Variants in NSD2 observed in about 807,000 individuals in gnomAD.
NSD2 encodes the protein histone-lysine N-methyltransferase NSD2.
A neutral mutation model predicts 139.0 loss-of-function variants in NSD2; 12 were observed. That is an observed-to-expected ratio of 0.09 (90% confidence interval 0.06 to 0.14). The LOEUF is 0.14. Ranked by LOEUF, NSD2 falls within the 10% of genes least tolerant of loss-of-function variation. NSD2 has a pLI of 1.00. For missense variants in NSD2, 1,155 were observed against 1,745.0 expected, an observed-to-expected ratio of 0.66 and a Z score of 6.02; for synonymous variants, 669 against 648.7, an observed-to-expected ratio of 1.03 and a Z score of -0.48.
At chr4:1,966,660 A>G (rs1279746522) in intron 18 of NSD2, among the ~76,000 whole-genome samples, 1 of 151,442 alleles carries the variant, frequency 6.6e-6, no homozygotes, top group East Asian at 1.9e-4. Flanking sequence ...CTGTCTCAAA[A>G]AAAAAAAAAA....
chr4:1,940,751 G>C, intron 9 of NSD2: 1 of 1,060,444 alleles, frequency 9.4e-7, no homozygotes, highest in Middle Eastern at 4.2e-4. Flanking sequence ...CTTCTGGCCA[G>C]GTCTCTGCCA....
intron 5 of NSD2, among the ~76,000 whole-genome samples, chr4:1,920,341 T>A (rs1274354077): frequency 6.6e-6 from 1 of 152,026 alleles, no homozygotes; most frequent in Non-Finnish European, 1.5e-5. Context: ...TCCCAGCTAC[T>A]CAGGAGGCTG....
At chr4:1,970,356 GC>G (rs1451805104) in intron 18 of NSD2, among the ~76,000 whole-genome samples, 1 of 152,196 alleles carries the variant, frequency 6.6e-6, no homozygotes, top group Non-Finnish European at 1.5e-5. Context: ...CAGGCATGTG[GC>G]TCTCTGGGTG....
At chr4:1,952,825 A>T (rs920391841) in intron 11 of NSD2, 1 of 1,207,520 alleles carries the variant, frequency 8.3e-7, no homozygotes, top group African/African-American at 1.5e-5. Flanking sequence ...CTTCCTGCCT[A>T]CTCACCGGGC....
In NSD2 at chr4:1,976,295, T is replaced by C; in HGVS notation, c.3622-180T>C. 1 of 658,770 alleles carries C rather than the reference T, an allele frequency of 1.5e-6. No individual in the cohort carries two copies. The highest frequency in any genetic ancestry group is 2.6e-6 in the Non-Finnish European group (1 of 383,500). The allele number at this position is 658,770 out of a possible 1,614,324, so 40.8% of individuals were successfully genotyped here. A position where few individuals can be genotyped will look rare whatever the true frequency, so the allele number is the denominator to read the frequency against. On this transcript the variant is annotated intron_variant, in intron 20 of 21. Transcript: ENST00000508803. The surrounding 1 kb of genome is among the most constrained non-coding windows in gnomAD (Gnocchi z 5.3). ...TAGTCTTTGTTCAGCTTTTTCACGC[T>C]GAGTCGAGTGAGTCTAAGGATGTCT...
intron 1 of NSD2, among the ~76,000 whole-genome samples, chr4:1,884,686 C>T (rs970207999): frequency 2.6e-5 from 4 of 152,094 alleles, no homozygotes; most frequent in Non-Finnish European, 4.4e-5. Flanking sequence ...GCCACTGGGC[C>T]CAGCCTCGTT....
chr4:1,936,951 T>C (rs1722474355), intron 7 of NSD2, among the ~76,000 whole-genome samples: 1 of 152,224 alleles, frequency 6.6e-6, no homozygotes, highest in South Asian at 2.1e-4. Context: ...GTGAGGTTGT[T>C]GAGTGATCAA....
chr4:1,926,606 G>A (rs984929101), intron 5 of NSD2, among the ~76,000 whole-genome samples: 3 of 151,768 alleles, frequency 2.0e-5, no homozygotes, highest in Non-Finnish European at 4.4e-5. Context: ...TAGTAGCTGG[G>A]ACTACTGGTG....
chr4:1,887,239 G>T (rs1715181808), intron 1 of NSD2, among the ~76,000 whole-genome samples: 1 of 152,182 alleles, frequency 6.6e-6, no homozygotes. Flanking sequence ...TTGCAGCGTG[G>T]TGGCTGGTTC....
chr4:1,906,082 T>C (rs1267339553), intron 3 of NSD2, among the ~76,000 whole-genome samples: 1 of 152,190 alleles, frequency 6.6e-6, no homozygotes, highest in Non-Finnish European at 1.5e-5. Flanking sequence ...GTCATTTGTT[T>C]GTGTGGCACA....
chr4:1,945,056 G>T, intron 9 of NSD2: 1 of 1,066,268 alleles, frequency 9.4e-7, no homozygotes, highest in Non-Finnish European at 1.1e-6. Context: ...AGGAGTCGGG[G>T]GCTCCTCTGT....
intron 1 of NSD2, among the ~76,000 whole-genome samples, chr4:1,878,436 C>T (rs375249643): frequency 1.3e-5 from 2 of 151,674 alleles, no homozygotes; most frequent in East Asian, 1.9e-4. Flanking sequence ...TATTCTGTTG[C>T]TATCTGGCAC....
chr4:1,976,226 T>C lies in NSD2; in HGVS notation c.3622-249T>C. The C allele has an allele frequency of 3.9e-6, 2 of 516,956 alleles. No homozygotes were observed. The highest frequency in any genetic ancestry group is 3.5e-6 in the Non-Finnish European group (1 of 286,708). The allele number at this position is 516,956 out of a possible 1,614,324, so 32.0% of individuals were successfully genotyped here. A position where few individuals can be genotyped will look rare whatever the true frequency, so the allele number is the denominator to read the frequency against. On this transcript the variant is annotated intron_variant, in intron 20 of 21. Coordinates refer to ENST00000508803, the MANE Select transcript of NSD2 (RefSeq NM_001042424.3). This position sits in a 1 kb window ranked among gnomAD's most constrained non-coding sequence, Gnocchi z 5.3. ...AGCTGTGTGTCTGCTGAGATGCTGC[T>C]GAGATGCGTCATTGCAGGCTTCCGA...
intron 9 of NSD2, chr4:1,944,196 T>C: frequency 9.4e-7 from 1 of 1,066,178 alleles, no homozygotes; most frequent in South Asian, 4.5e-5. Flanking sequence ...ATTGTCCCAC[T>C]TCAGATGCCA....
intron 5 of NSD2, among the ~76,000 whole-genome samples, chr4:1,927,292 A>G (rs955715867): frequency 6.6e-6 from 1 of 152,116 alleles, no homozygotes; most frequent in African/African-American, 2.4e-5. Flanking sequence ...TATGTTATTG[A>G]CTACGCCGTA....
chr4:1,955,349 C>T lies in NSD2; in HGVS notation c.2518+9C>T, dbSNP rs1452573391. 10 of 1,603,692 alleles carry T rather than the reference C, an allele frequency of 6.2e-6. No individual in the cohort carries two copies. The highest frequency in any genetic ancestry group is 1.1e-5 in the South Asian group (1 of 90,788). ...CTTCGTGTGCTCCAAAGGTGAGGGG[C>T]CTGGGGGTGTCTGCGGCACACGCCT... is the stretch of plus-strand genomic sequence containing the variant. On this transcript the variant is annotated intron_variant, in intron 13 of 21. Coordinates refer to ENST00000508803, the MANE Select transcript of NSD2 (RefSeq NM_001042424.3). This position sits in a 1 kb window ranked among gnomAD's most constrained non-coding sequence, Gnocchi z 4.7.
chr4:1,896,150 G>C (rs189066047), intron 1 of NSD2, among the ~76,000 whole-genome samples: 1 of 152,234 alleles, frequency 6.6e-6, no homozygotes, highest in Admixed American at 6.5e-5. Flanking sequence ...CACACTTGGT[G>C]CTCCTAATCA....
Position 1,940,625 on chromosome 4 carries a change from A to G in NSD2, c.1881+847A>G, listed in dbSNP as rs1453442521. On this transcript the variant is annotated intron_variant, in intron 9 of 21. Coordinates refer to ENST00000508803, the MANE Select transcript of NSD2 (RefSeq NM_001042424.3). ...TGATGCTGTTTTTCTCATTGTAGAC[A>G]TGGGTCCTGTTTTTGTCATGTTTAT... 7 of 1,062,266 alleles carry G rather than the reference A, an allele frequency of 6.6e-6. No individual in the cohort carries two copies. The South Asian group carries it at 1.8e-4, about 28-fold the overall frequency. The allele number at this position is 1,062,266 out of a possible 1,614,324, so 65.8% of individuals were successfully genotyped here. A position where few individuals can be genotyped will look rare whatever the true frequency, so the allele number is the denominator to read the frequency against.
chr4:1,940,774 A>AG (rs1723009030), intron 9 of NSD2: 25 of 1,060,034 alleles, frequency 2.4e-5, no homozygotes, highest in Non-Finnish European at 2.9e-5. Flanking sequence ...GTCCCCAGGA[A>AG]GGATGGGGTG....
Sources: allele counts gnomAD v4.1 joint callset (sites outside exome capture counted in the v4.1 genomes callset), GRCh38; gene constraint gnomAD v4.1.1; non-coding constraint Gnocchi (gnomAD v3.1); transcripts MANE v1.5; gene names NCBI Gene and HGNC (gene_info 2026-07-23, HGNC 2026-07-21).